ATG10: variants seen among roughly 807,000 people sequenced by gnomAD.
The protein encoded by ATG10 is ubiquitin-like-conjugating enzyme ATG10.
In ATG10, 30 loss-of-function variants were observed where a neutral mutation model predicts 32.1. That is an observed-to-expected ratio of 0.94 (90% CI 0.70 to 1.27). The LOEUF is 1.27. Ranked by LOEUF, ATG10 falls within the 50% of genes most tolerant of loss-of-function variation. The pLI is 0.00. For synonymous variants in ATG10, 87 were observed against 91.5 expected (o/e 0.95, Z 0.28); for missense variants, 233 against 262.3 (o/e 0.89, Z 0.77).
intron 3 of ATG10, among the ~76,000 whole-genome samples, chr5:82,144,106 T>C (rs1488061201): frequency 6.6e-6 from 1 of 152,150 alleles, no homozygotes; most frequent in Non-Finnish European, 1.5e-5. Context: ...TTGTTAAATT[T>C]TTGGTGTACA....
intron 3 of ATG10, among the ~76,000 whole-genome samples, chr5:82,076,308 A>G (rs1208372724): frequency 6.6e-6 from 1 of 152,174 alleles, no homozygotes; most frequent in African/African-American, 2.4e-5. Flanking sequence ...GGTCTTCTTC[A>G]TTATGGGTAT....
chr5:82,252,504 T>G (rs548880509), intron 5 of ATG10, 58 bp from the exon 6 acceptor site: 1 of 1,021,120 alleles, frequency 9.8e-7, no homozygotes, highest in Non-Finnish European at 1.5e-6. Context: ...CCAGATAAAT[T>G]ATTTTAGCCT....
chr5:81,976,753 C>T (rs904184886), intron 1 of ATG10, among the ~76,000 whole-genome samples: 10 of 152,172 alleles, frequency 6.6e-5, no homozygotes, highest in Admixed American at 3.9e-4. Flanking sequence ...ATTATTGGAA[C>T]GCTAAGCTTG....
At chr5:82,250,842 T>C (rs1257753679) in intron 5 of ATG10, among the ~76,000 whole-genome samples, 2 of 152,220 alleles carry the variant, frequency 1.3e-5, no homozygotes, top group African/African-American at 2.4e-5. Flanking sequence ...GATTAATATA[T>C]GTTGAATTGC....
chr5:82,124,451 T>G (rs566056235), intron 3 of ATG10, among the ~76,000 whole-genome samples: 2 of 151,602 alleles, frequency 1.3e-5, no homozygotes, highest in Admixed American at 1.3e-4. Flanking sequence ...CCTCCCATTG[T>G]CCCCCACCCC....
chr5:82,046,246 A>C (rs906623303), intron 2 of ATG10, among the ~76,000 whole-genome samples: 5 of 152,190 alleles, frequency 3.3e-5, no homozygotes, highest in African/African-American at 1.2e-4. Context: ...GAACCTGTGA[A>C]TGCAACCTTA....
chr5:82,000,197 C>T, intron 2 of ATG10, among the ~76,000 whole-genome samples: 1 of 152,118 alleles, frequency 6.6e-6, no homozygotes, highest in Admixed American at 6.5e-5. Flanking sequence ...GACACACAAA[C>T]AAACTAAAAA....
chr5:82,215,408 G>A (rs943807968), intron 5 of ATG10, among the ~76,000 whole-genome samples: 2 of 152,122 alleles, frequency 1.3e-5, no homozygotes, highest in African/African-American at 2.4e-5. Context: ...CAAGACAGTA[G>A]ATCCAGCCCA....
At chr5:82,001,098 G>C (rs1274909999) in intron 2 of ATG10, among the ~76,000 whole-genome samples, 1 of 152,160 alleles carries the variant, frequency 6.6e-6, no homozygotes, top group African/African-American at 2.4e-5. Flanking sequence ...GCTCTACCAT[G>C]AGAATTAGAA....
At chr5:82,228,717 C>T (rs1349280917) in intron 5 of ATG10, among the ~76,000 whole-genome samples, 1 of 152,072 alleles carries the variant, frequency 6.6e-6, no homozygotes, top group Admixed American at 6.5e-5. Flanking sequence ...TAATTTGCAA[C>T]TATTTAATGA....
intron 2 of ATG10, chr5:81,992,119 T>A (rs1761482521): frequency 6.6e-6 from 1 of 152,200 alleles, no homozygotes; most frequent in Non-Finnish European, 1.5e-5. Flanking sequence ...GCTCTCTAAG[T>A]AGCTGGGCCA....
chr5:82,010,190 G>A, intron 2 of ATG10: 1 of 988,104 alleles, frequency 1.0e-6, no homozygotes, highest in Non-Finnish European at 1.5e-6. Flanking sequence ...TCCAAGTACA[G>A]ACAAAATTCT....
chr5:82,024,814 C>G (rs1282316766), intron 2 of ATG10, among the ~76,000 whole-genome samples: 2 of 152,190 alleles, frequency 1.3e-5, no homozygotes, highest in African/African-American at 2.4e-5. Flanking sequence ...CTGTTAAGGG[C>G]AGGTCCATAT....
intron 2 of ATG10, among the ~76,000 whole-genome samples, chr5:81,996,590 T>A (rs1421052306): frequency 6.6e-6 from 1 of 152,224 alleles, no homozygotes; most frequent in Non-Finnish European, 1.5e-5. Flanking sequence ...CCAGGGCCCA[T>A]GGCCTCTAGT....
At chr5:82,241,492 G>T (rs547742842) in intron 5 of ATG10, among the ~76,000 whole-genome samples, 1 of 152,178 alleles carries the variant, frequency 6.6e-6, no homozygotes, top group Admixed American at 6.5e-5. Context: ...ATGATCCTGC[G>T]TCTTGGCTAG....
intron 3 of ATG10, among the ~76,000 whole-genome samples, chr5:82,153,795 A>T (rs1009922509): frequency 6.6e-6 from 1 of 151,940 alleles, no homozygotes; most frequent in Non-Finnish European, 1.5e-5. Context: ...TTGTGTGATT[A>T]TTTTTTAATG....
intron 3 of ATG10, among the ~76,000 whole-genome samples, chr5:82,089,778 T>C (rs952436861): frequency 1.3e-4 from 20 of 152,064 alleles, no homozygotes; most frequent in African/African-American, 4.8e-4. Flanking sequence ...AAACTTGTGC[T>C]CTAAGATCCT....
At chr5:82,034,561 A>G (rs1024053809) in intron 2 of ATG10, among the ~76,000 whole-genome samples, 13 of 152,134 alleles carry the variant, frequency 8.5e-5, no homozygotes, top group Non-Finnish European at 1.8e-4. Context: ...GTGACTTCCT[A>G]TTTAGTCTGA....
At chr5:82,120,794 T>C (rs1337449950) in intron 3 of ATG10, among the ~76,000 whole-genome samples, 11 of 152,144 alleles carry the variant, frequency 7.2e-5, no homozygotes, top group Admixed American at 6.6e-4. Context: ...GGAACTGTTA[T>C]TGCTTAGCCA....
Sources: allele counts gnomAD v4.1 joint callset (sites outside exome capture counted in the v4.1 genomes callset), GRCh38; gene constraint gnomAD v4.1.1; transcripts MANE v1.5; gene names NCBI Gene and HGNC (gene_info 2026-07-23, HGNC 2026-07-21).